HS6ST3: variants seen among roughly 807,000 people sequenced by gnomAD.
HS6ST3 encodes the protein heparan-sulfate 6-O-sulfotransferase 3.
Under a neutral mutation model 36.7 loss-of-function variants are expected in HS6ST3, and 12 were observed. The observed-to-expected ratio is 0.33, with a 90% CI of 0.21 to 0.53. The LOEUF (loss-of-function observed/expected upper bound fraction) is 0.53. Among genes scored for constraint, HS6ST3 ranks in the 20% least tolerant of loss-of-function variants. The pLI is 0.95. For missense variants in HS6ST3, 584 were observed against 640.9 expected (o/e 0.91, Z 0.96); for synonymous variants, 240 against 257.5 (o/e 0.93, Z 0.65).
At chr13:96,760,494 A>G (rs1876944380) in intron 1 of HS6ST3, among the ~76,000 whole-genome samples, 1 of 152,122 alleles carries the variant, frequency 6.6e-6, no homozygotes, top group Non-Finnish European at 1.5e-5. Flanking sequence ...GTAAAAAAAA[A>G]AATGCTTTGT....
chr13:96,137,648 G>T (rs539561682), intron 1 of HS6ST3, among the ~76,000 whole-genome samples: 1 of 152,200 alleles, frequency 6.6e-6, no homozygotes, highest in African/African-American at 2.4e-5. Context: ...TGGCCAGGCT[G>T]ATCTTGAACT....
intron 1 of HS6ST3, among the ~76,000 whole-genome samples, chr13:96,166,011 G>T: frequency 6.7e-6 from 1 of 149,694 alleles, no homozygotes; most frequent in East Asian, 2.0e-4. Context: ...AGGATGGAAG[G>T]GTGGAAGGGG....
chr13:96,499,603 G>A (rs999876056), intron 1 of HS6ST3, among the ~76,000 whole-genome samples: 1 of 145,638 alleles, frequency 6.9e-6, no homozygotes, highest in African/African-American at 2.4e-5. Context: ...AAAGCGACAT[G>A]TGAGGCAAGA....
At chr13:96,787,543 T>C (rs1305603905) in intron 1 of HS6ST3, among the ~76,000 whole-genome samples, 1 of 152,130 alleles carries the variant, frequency 6.6e-6, no homozygotes, top group Admixed American at 6.6e-5. Context: ...TGTTGAGATA[T>C]GTTATATGCT....
At chr13:96,558,033 G>A (rs910648868) in intron 1 of HS6ST3, among the ~76,000 whole-genome samples, 11 of 152,078 alleles carry the variant, frequency 7.2e-5, no homozygotes, top group African/African-American at 2.7e-4. Context: ...TCATCAATAG[G>A]CTGATAAGTG....
chr13:96,474,613 C>T (rs781126824), intron 1 of HS6ST3, among the ~76,000 whole-genome samples: 2 of 152,042 alleles, frequency 1.3e-5, no homozygotes, highest in African/African-American at 4.8e-5. Context: ...TAATGTAATA[C>T]GTTAATAATT....
At chr13:96,747,896 T>C (rs556528341) in intron 1 of HS6ST3, among the ~76,000 whole-genome samples, 1 of 152,062 alleles carries the variant, frequency 6.6e-6, no homozygotes, top group East Asian at 1.9e-4. Flanking sequence ...AGGATTGGGG[T>C]AGCTATTAGG....
intron 1 of HS6ST3, among the ~76,000 whole-genome samples, chr13:96,211,314 C>G (rs2054397956): frequency 1.3e-5 from 2 of 152,142 alleles, no homozygotes; most frequent in African/African-American, 4.8e-5. Flanking sequence ...GAAACCTGAC[C>G]ACTGTTCATC....
intron 1 of HS6ST3, among the ~76,000 whole-genome samples, chr13:96,700,200 G>C (rs1006657642): frequency 1.3e-5 from 2 of 152,146 alleles, no homozygotes; most frequent in African/African-American, 2.4e-5. Flanking sequence ...ATGTAGCTGG[G>C]GAGGCCCCAC....
chr13:96,691,001 A>C (rs1269419513), intron 1 of HS6ST3, among the ~76,000 whole-genome samples: 2 of 152,118 alleles, frequency 1.3e-5, no homozygotes, highest in Non-Finnish European at 2.9e-5. Flanking sequence ...CATCCCATAG[A>C]GAATTCATCA....
At chr13:96,464,772 A>G (rs906527465) in intron 1 of HS6ST3, among the ~76,000 whole-genome samples, 1 of 152,150 alleles carries the variant, frequency 6.6e-6, no homozygotes, top group African/African-American at 2.4e-5. Context: ...TTATGTGAAT[A>G]ATGGTGCCAT....
intron 1 of HS6ST3, among the ~76,000 whole-genome samples, chr13:96,728,042 A>G (rs969292635): frequency 6.6e-6 from 1 of 152,128 alleles, no homozygotes; most frequent in African/African-American, 2.4e-5. Flanking sequence ...TTATCTATCT[A>G]TTCCACTGGT....
intron 1 of HS6ST3, among the ~76,000 whole-genome samples, chr13:96,175,487 T>A (rs1175214968): frequency 1.3e-5 from 2 of 152,158 alleles, no homozygotes; most frequent in Non-Finnish European, 2.9e-5. Context: ...TCATCAGCCC[T>A]GGGAAGTGAT....
At chr13:96,167,179 C>T (rs2054164991) in intron 1 of HS6ST3, among the ~76,000 whole-genome samples, 1 of 152,120 alleles carries the variant, frequency 6.6e-6, no homozygotes, top group African/African-American at 2.4e-5. Context: ...ACTTACCTCT[C>T]TTATTTCCAG....
chr13:96,464,490 CA>C, intron 1 of HS6ST3, among the ~76,000 whole-genome samples: 1 of 152,070 alleles, frequency 6.6e-6, no homozygotes, highest in Non-Finnish European at 1.5e-5. Context: ...ATACCACTTT[CA>C]ATGTATATCC....
At chr13:96,158,703 G>A (rs556360198) in intron 1 of HS6ST3, among the ~76,000 whole-genome samples, 1 of 147,982 alleles carries the variant, frequency 6.8e-6, no homozygotes, top group East Asian at 2.0e-4. Flanking sequence ...TTGGAAAACA[G>A]TCAGAGGTGT....
At chr13:96,450,859 C>G (rs561024183) in intron 1 of HS6ST3, among the ~76,000 whole-genome samples, 2 of 152,070 alleles carry the variant, frequency 1.3e-5, no homozygotes, top group Non-Finnish European at 2.9e-5. Flanking sequence ...ACAGTCTGGG[C>G]GGGTATCAAA....
intron 1 of HS6ST3, among the ~76,000 whole-genome samples, chr13:96,346,972 G>A (rs1203856768): frequency 4.6e-5 from 7 of 152,072 alleles, no homozygotes; most frequent in African/African-American, 1.7e-4. Context: ...GGTCCCCATG[G>A]CAAATAATGG....
chr13:96,684,699 C>T (rs1384971152), intron 1 of HS6ST3, among the ~76,000 whole-genome samples: 1 of 152,066 alleles, frequency 6.6e-6, no homozygotes, highest in African/African-American at 2.4e-5. Flanking sequence ...CACACTCTTG[C>T]TACTTGAACT....
Sources: gnomAD v4.1 joint callset for allele counts (sites outside exome capture counted in the v4.1 genomes callset) on GRCh38, gnomAD v4.1.1 for gene constraint, MANE v1.5 for transcripts, NCBI Gene and HGNC (gene_info 2026-07-23, HGNC 2026-07-21) for gene names.